MINAR2: variants seen among roughly 807,000 people sequenced by gnomAD.
The protein encoded by MINAR2 is major intrinsically disordered NOTCH2-binding receptor 1-like.
In MINAR2, 21 loss-of-function variants were observed where a neutral mutation model predicts 16.1. The observed-to-expected ratio is 1.31, with a 90% CI of 0.93 to 1.88. MINAR2 has a LOEUF of 1.88. MINAR2 is among the 40% of genes most tolerant of loss of function. MINAR2 has a pLI of 0.00. For synonymous variants in MINAR2, 86 were observed against 83.0 expected (o/e 1.04, Z -0.20); for missense variants, 259 against 229.8 (o/e 1.13, Z -0.82).
chr5:129,759,834 C>T lies in MINAR2; in HGVS notation c.166-544C>T, dbSNP rs1758105599. Among the ~76,000 whole-genome samples, 3 of 149,842 alleles carry T rather than the reference C, an allele frequency of 2.0e-5. No individual in the cohort carries two copies. The South Asian group carries it at 6.4e-4, about 32-fold the overall frequency. On this transcript the variant is annotated intron_variant, in intron 1 of 2. Coordinates refer to ENST00000564719, the MANE Select transcript of MINAR2 (RefSeq NM_001257308.2). ...GTATTAGAGCTATCTAACAGTCAGT[C>T]TTTACACACACACATGCTAAATTAC...
At chr5:129,753,616 G>T (rs1292288789) in intron 1 of MINAR2, among the ~76,000 whole-genome samples, 1 of 151,560 alleles carries the variant, frequency 6.6e-6, no homozygotes, top group Non-Finnish European at 1.5e-5. Context: ...AGCTGGACTT[G>T]CTGGCGCGCA....
chr5:129,759,081 A>G (rs1220137839), intron 1 of MINAR2, among the ~76,000 whole-genome samples: 1 of 152,074 alleles, frequency 6.6e-6, no homozygotes, highest in East Asian at 1.9e-4. Context: ...TAGCCATTTC[A>G]GAAGGAAACT....
chr5:129,748,282 A>G lies in MINAR2; in HGVS notation c.92A>G (p.Gln31Arg). 1 of 1,535,278 alleles carries G rather than the reference A, an allele frequency of 6.5e-7. No homozygotes were observed. Among genetic ancestry groups the G allele is most frequent in the East Asian group, 2.4e-5 (1 of 40,906 alleles). ...KSLTRSSALL[Q>R]ASLVRFPGGN... is the part of the protein sequence containing the mutation. ...TTAACGAGGAGCTCAGCCCTCCTTC[A>G]GGCCAGCCTGGTGAGGTTTCCGGGT... Residue 31 changes from glutamine to arginine, a missense_variant, in exon 1 of 3, where the codon CAG becomes CGG. Transcript: ENST00000564719.
intron 1 of MINAR2, 54 bp downstream of exon 1, chr5:129,748,409 A>G (rs978249372): frequency 5.3e-6 from 8 of 1,500,024 alleles, no homozygotes; most frequent in Non-Finnish European, 7.1e-6. Context: ...CTTTCTCGCT[A>G]TCTGCCATTT....
chr5:129,754,028 T>C (rs1321803486), intron 1 of MINAR2, among the ~76,000 whole-genome samples: 1 of 152,096 alleles, frequency 6.6e-6, no homozygotes, highest in Admixed American at 6.6e-5. Context: ...TGGCCACGGA[T>C]GGTATATTTC....
At chr5:129,763,098 G>A (rs556338475) in intron 2 of MINAR2, among the ~76,000 whole-genome samples, 1 of 152,248 alleles carries the variant, frequency 6.6e-6, no homozygotes, top group South Asian at 2.1e-4. Context: ...TAGGAAGAAT[G>A]AGCCATATAT....
chr5:129,764,317 C>A (rs547119213), intron 2 of MINAR2, among the ~76,000 whole-genome samples: 2 of 152,152 alleles, frequency 1.3e-5, no homozygotes, highest in South Asian at 4.2e-4. Flanking sequence ...CAGCCCTCTA[C>A]AAGGAAAATC....
intron 1 of MINAR2, among the ~76,000 whole-genome samples, chr5:129,759,540 C>T (rs1228365340): frequency 3.9e-5 from 6 of 152,136 alleles, no homozygotes; most frequent in Middle Eastern, 3.4e-3. Context: ...CACAGAAAAG[C>T]GCACATTATA....
At chr5:129,761,823 G>T (rs1476172899) in intron 2 of MINAR2, among the ~76,000 whole-genome samples, 1 of 152,122 alleles carries the variant, frequency 6.6e-6, no homozygotes, top group Non-Finnish European at 1.5e-5. Flanking sequence ...GGAGGTGAAT[G>T]TTCCTGTCCC....
At chr5:129,748,450 A>G (rs1212175918) in intron 1 of MINAR2, 95 bp downstream of exon 1, 1 of 1,300,076 alleles carries the variant, frequency 7.7e-7, no homozygotes, top group Non-Finnish European at 1.0e-6. Context: ...GCCTATAGGA[A>G]CAGAGTACAA....
chr5:129,759,457 T>G (rs1420067761), intron 1 of MINAR2, among the ~76,000 whole-genome samples: 1 of 152,172 alleles, frequency 6.6e-6, no homozygotes, highest in Admixed American at 6.6e-5. Flanking sequence ...AATTTTTAAT[T>G]TCTACCTTCA....
intron 1 of MINAR2, among the ~76,000 whole-genome samples, chr5:129,754,228 C>A (rs945020434): frequency 9.2e-5 from 14 of 152,104 alleles, no homozygotes; most frequent in Admixed American, 6.6e-5. Context: ...CATGGAGGGT[C>A]CATGGGCTTT....
intron 2 of MINAR2, among the ~76,000 whole-genome samples, chr5:129,763,319 A>G (rs2149547140): frequency 6.6e-6 from 1 of 152,296 alleles, no homozygotes. Context: ...CTTATGCCTC[A>G]TTAATTCAAC....
rs1239448861 is a variant in MINAR2, at chr5:129,764,898, C to A, written c.408C>A (p.Asp136Glu). The change falls in exon 3 of 3, where the codon GAC (aspartate) becomes GAA (glutamate). Residue 136 changes from aspartate (D) to glutamate (E), a missense_variant. Transcript: ENST00000564719. The stretch of plus-strand genomic sequence containing the variant: ...TTTTCTTTTAGGAAAATCCTAATGA[C>A]CTGCGGTTTTGGTTGGGAGACATGT... ...LSGHLKENPNDLRFWLGDMYT... is the reference protein window; with the variant it reads ...LSGHLKENPNELRFWLGDMYT... 14 of 1,326,424 alleles carry A rather than the reference C, an allele frequency of 1.1e-5. No individual in the cohort carries two copies. Among genetic ancestry groups the A allele is most frequent in the Non-Finnish European group, 1.3e-5 (13 of 1,037,514 alleles). The allele number at this position is 1,326,424 out of a possible 1,614,324, so 82.2% of individuals were successfully genotyped here.
intron 1 of MINAR2, among the ~76,000 whole-genome samples, chr5:129,756,264 A>C (rs1264397176): frequency 2.0e-5 from 3 of 152,092 alleles, no homozygotes; most frequent in African/African-American, 7.2e-5. Flanking sequence ...TCAATTGTTT[A>C]ATAAAGACAT....
Position 129,748,095 on chromosome 5 carries a change from GA to G in MINAR2, c.-95del, listed in dbSNP as rs1200298481. ...CGTGCAGCTGAGAGACTTGGTTTCA[GA>G]TGCAGTCAGAGCATCCTCAGGCACA... is the stretch of plus-strand genomic sequence containing the variant. On this transcript the variant is annotated 5_prime_UTR_variant, in exon 1 of 3. The change abolishes an upstream ATG in the 5' untranslated region. Transcript: ENST00000564719. 4.0e-5 allele frequency: 46 copies of G among 1,158,460 alleles called. No homozygotes were observed. The highest frequency in any genetic ancestry group is 4.9e-5 in the Non-Finnish European group (41 of 833,302). The allele number at this position is 1,158,460 out of a possible 1,614,324, so 71.8% of individuals were successfully genotyped here.
At chr5:129,750,563 A>AT (rs1359856455) in intron 1 of MINAR2, among the ~76,000 whole-genome samples, 3 of 152,170 alleles carry the variant, frequency 2.0e-5, no homozygotes, top group Non-Finnish European at 2.9e-5. Flanking sequence ...GATAATATTT[A>AT]TTTTCCATAT....
intron 2 of MINAR2, among the ~76,000 whole-genome samples, chr5:129,762,844 T>C (rs142465066): frequency 2.6e-5 from 4 of 152,130 alleles, no homozygotes; most frequent in African/African-American, 7.2e-5. Flanking sequence ...AATAAACTTA[T>C]GGGCTTGAAG....
chr5:129,755,564 A>G lies in MINAR2; in HGVS notation c.166-4814A>G, dbSNP rs548320153. Among the ~76,000 whole-genome samples the G allele has an allele frequency of 7.2e-5, 11 of 151,948 alleles. No individual in the cohort carries two copies. The South Asian group carries it at 1.7e-3, about 23-fold the overall frequency. On this transcript the variant is annotated intron_variant, in intron 1 of 2. Coordinates refer to ENST00000564719, the MANE Select transcript of MINAR2 (RefSeq NM_001257308.2). ...TTTTCTTAAATAAGTTTGGTAAGTT[A>G]TATTATGTAAGAAATTGTCCGACTG...
Sources: gnomAD v4.1 joint callset for allele counts (sites outside exome capture counted in the v4.1 genomes callset) on GRCh38, gnomAD v4.1.1 for gene constraint, MANE v1.5 for transcripts, NCBI Gene and HGNC (gene_info 2026-07-23, HGNC 2026-07-21) for gene names.